Variants in MNAT1 observed in about 807,000 individuals in gnomAD.
MNAT1 encodes MNAT1 component of CDK activating kinase.
Under a neutral mutation model 42.0 loss-of-function variants are expected in MNAT1, and 43 were observed. The observed-to-expected ratio is 1.02, with a 90% CI of 0.80 to 1.32. MNAT1 has a LOEUF of 1.32. MNAT1 is among the 40% of genes most tolerant of loss of function. MNAT1 has a pLI of 0.00. For synonymous variants in MNAT1, 118 were observed against 120.0 expected (o/e 0.98, Z 0.11); for missense variants, 306 against 350.4 (o/e 0.87, Z 1.01).
intron 7 of MNAT1, among the ~76,000 whole-genome samples, chr14:60,914,004 C>G (rs2035452273): frequency 6.6e-6 from 1 of 152,214 alleles, no homozygotes; most frequent in African/African-American, 2.4e-5. Context: ...CTTTGTTTAC[C>G]TACTCAAGCC....
chr14:60,882,296 A>G (rs772556938), intron 7 of MNAT1, among the ~76,000 whole-genome samples: 5 of 151,906 alleles, frequency 3.3e-5, no homozygotes, highest in Non-Finnish European at 5.9e-5. Context: ...TATCAGTTCA[A>G]TTTTTAGCTT....
At chr14:60,847,739 G>T (rs1393761501) in intron 6 of MNAT1, among the ~76,000 whole-genome samples, 2 of 151,564 alleles carry the variant, frequency 1.3e-5, no homozygotes, top group Non-Finnish European at 2.9e-5. Context: ...TTTTTATATT[G>T]GTTGACCTAG....
chr14:60,889,260 C>T (rs2034771035), intron 7 of MNAT1, among the ~76,000 whole-genome samples: 1 of 152,140 alleles, frequency 6.6e-6, no homozygotes, highest in Admixed American at 6.5e-5. Flanking sequence ...AGATATAGAT[C>T]AATGGAACAG....
intron 7 of MNAT1, chr14:60,919,327 G>A (rs1206683641): frequency 2.0e-5 from 3 of 152,490 alleles, no homozygotes; most frequent in Non-Finnish European, 4.4e-5. Flanking sequence ...TTTCAGTTAT[G>A]TATGTTCCAC....
At chr14:60,916,993 A>C (rs2035532863) in intron 7 of MNAT1, among the ~76,000 whole-genome samples, 1 of 152,120 alleles carries the variant, frequency 6.6e-6, no homozygotes, top group Admixed American at 6.5e-5. Flanking sequence ...ATAAAAACAA[A>C]AAATAACCTG....
chr14:60,826,558 A>G (rs551971824), intron 6 of MNAT1, among the ~76,000 whole-genome samples: 1 of 151,878 alleles, frequency 6.6e-6, no homozygotes, highest in Admixed American at 6.6e-5. Context: ...TGACCTCATG[A>G]TCCACCTGCC....
intron 7 of MNAT1, among the ~76,000 whole-genome samples, chr14:60,967,531 G>T (rs1209067724): frequency 6.6e-6 from 1 of 151,846 alleles, no homozygotes; most frequent in Non-Finnish European, 1.5e-5. Context: ...GTCTATTTTT[G>T]TCAAGATATA....
At chr14:60,891,107 T>A (rs1292188071) in intron 7 of MNAT1, among the ~76,000 whole-genome samples, 1 of 152,166 alleles carries the variant, frequency 6.6e-6, no homozygotes, top group Non-Finnish European at 1.5e-5. Context: ...CCTTTTAATT[T>A]CTTTAGAATT....
chr14:60,743,986 G>C (rs1366428255), intron 1 of MNAT1, among the ~76,000 whole-genome samples: 1 of 151,854 alleles, frequency 6.6e-6, no homozygotes, highest in Non-Finnish European at 1.5e-5. Context: ...TACTCATCAA[G>C]AATATATTTT....
At chr14:60,796,150 A>C (rs895628264) in intron 1 of MNAT1, 67 bp from the exon 2 acceptor site, 1 of 1,435,026 alleles carries the variant, frequency 7.0e-7, no homozygotes, top group East Asian at 2.5e-5. Context: ...CATAGGGGCA[A>C]ACTATTCAGA....
At chr14:60,794,678 T>TATATAA (rs778005558) in intron 1 of MNAT1, among the ~76,000 whole-genome samples, 6 of 133,222 alleles carry the variant, frequency 4.5e-5, no homozygotes, top group African/African-American at 1.7e-4. Context: ...TATATATATA[T>TATATAA]AAAATAGGTA....
chr14:60,862,741 A>T (rs1414320449), intron 6 of MNAT1, among the ~76,000 whole-genome samples: 1 of 152,206 alleles, frequency 6.6e-6, no homozygotes, highest in Non-Finnish European at 1.5e-5. Flanking sequence ...TTATCTACAT[A>T]TGTTAATATG....
chr14:60,918,701 G>A (rs2035585857), intron 7 of MNAT1, among the ~76,000 whole-genome samples: 2 of 148,390 alleles, frequency 1.3e-5, no homozygotes, highest in Admixed American at 1.4e-4. Flanking sequence ...ATTGTGGAAT[G>A]AAATCTATCT....
In MNAT1 at chr14:60,879,800, A is replaced by T; in HGVS notation, c.774A>T (p.Pro258=). 6.2e-7 allele frequency: 1 copy of T among 1,613,228 alleles called. No individual in the cohort carries two copies. The change falls in exon 7 of 8, where the codon CCA becomes CCT. Residue 258 remains proline (P), a synonymous_variant. Coordinates refer to ENST00000261245, the MANE Select transcript of MNAT1 (RefSeq NM_002431.4). The stretch of plus-strand genomic sequence containing the variant: ...CACTGCAGATAGAGACATATGGACC[A>T]CATGTTCCTGAGCTTGAGATGCTAG... ...YQPLQIETYG[P]HVPELEMLGR...
chr14:60,950,625 C>T (rs1296057950), intron 7 of MNAT1, among the ~76,000 whole-genome samples: 1 of 152,094 alleles, frequency 6.6e-6, no homozygotes, highest in East Asian at 1.9e-4. Flanking sequence ...TATTAGCTAT[C>T]GTTAGTGTTA....
chr14:60,752,619 T>G (rs2030146248), intron 1 of MNAT1, among the ~76,000 whole-genome samples: 1 of 152,022 alleles, frequency 6.6e-6, no homozygotes, highest in Non-Finnish European at 1.5e-5. Context: ...GAGCTATGAG[T>G]GTGCCACTAT....
intron 1 of MNAT1, among the ~76,000 whole-genome samples, chr14:60,751,817 G>A (rs141349653): frequency 0.011 from 1,638 of 151,804 alleles, 19 homozygotes; most frequent in Middle Eastern, 0.021. Context: ...ACCTCACTCA[G>A]TTTTTTTAGA....
chr14:60,947,752 A>G (rs1468944364), intron 7 of MNAT1, among the ~76,000 whole-genome samples: 2 of 152,204 alleles, frequency 1.3e-5, no homozygotes, highest in African/African-American at 2.4e-5. Flanking sequence ...CAGATTTCCA[A>G]ATGGATCCTG....
chr14:60,783,610 C>T (rs1409891339), intron 1 of MNAT1, among the ~76,000 whole-genome samples: 1 of 152,150 alleles, frequency 6.6e-6, no homozygotes, highest in Non-Finnish European at 1.5e-5. Context: ...CATTCTCCTG[C>T]CTCAGGCTCC....
Sources: allele counts gnomAD v4.1 joint callset (sites outside exome capture counted in the v4.1 genomes callset), GRCh38; gene constraint gnomAD v4.1.1; transcripts MANE v1.5; gene names NCBI Gene and HGNC (gene_info 2026-07-23, HGNC 2026-07-21).